AFF3: variants seen among roughly 807,000 people sequenced by gnomAD.
AFF3 encodes the protein ALF transcription elongation factor 3.
AFF3 carries 32 observed loss-of-function variants against 129.7 expected under a neutral mutation model. The observed-to-expected ratio is 0.25, with a 90% CI of 0.19 to 0.33. The LOEUF is 0.33. Among genes scored for constraint, AFF3 ranks in the 10% least tolerant of loss-of-function variants. The pLI is 1.00. For synonymous variants in AFF3, 644 were observed against 635.4 expected, an observed-to-expected ratio of 1.01 and a Z score of -0.20; for missense variants, 1,373 against 1,592.0, an observed-to-expected ratio of 0.86 and a Z score of 2.34.
chr2:99,925,171 C>G (rs557589927), intron 7 of AFF3, among the ~76,000 whole-genome samples: 6 of 152,140 alleles, frequency 3.9e-5, no homozygotes, highest in Non-Finnish European at 7.4e-5. Context: ...AGCTACCACA[C>G]CAGCCCCAAA....
At chr2:100,039,494 C>T (rs925560614) in intron 4 of AFF3, among the ~76,000 whole-genome samples, 1 of 152,054 alleles carries the variant, frequency 6.6e-6, no homozygotes, top group Non-Finnish European at 1.5e-5. Flanking sequence ...GGAGTCAAGG[C>T]TGCAATGAGC....
At position 99,788,450 on chromosome 2, in the gene AFF3, C is replaced by G. The variant is rs145646438; in HGVS notation, c.922-36149G>C. The stretch of plus-strand genomic sequence containing the variant: ...TAATGTGCTGTGCCTTTGATTTTAG[C>G]CCAAAAAAATTAAAAAGAAAAGCAT... On this transcript the variant is annotated intron_variant, in intron 8 of 24. Coordinates refer to ENST00000672756, the MANE Select transcript of AFF3 (RefSeq NM_001386135.1). Among the ~76,000 whole-genome samples the G allele has an allele frequency of 7.2e-5, 11 of 151,832 alleles. 1 individual carries two copies. In the East Asian group the frequency reaches 2.1e-3, roughly 29 times the overall value.
chr2:99,577,304 C>T (rs955752574), intron 18 of AFF3, among the ~76,000 whole-genome samples: 4 of 152,090 alleles, frequency 2.6e-5, no homozygotes, highest in African/African-American at 7.2e-5. Flanking sequence ...GCGGGGCGGA[C>T]GATGAGGCTG....
chr2:99,573,489 C>G (rs901950248), intron 18 of AFF3, among the ~76,000 whole-genome samples: 3 of 152,198 alleles, frequency 2.0e-5, no homozygotes, highest in African/African-American at 7.2e-5. Context: ...GGTGGGGGAG[C>G]GCCTTCCCAG....
At chr2:100,120,022 C>T (rs898720053) in intron 2 of AFF3, among the ~76,000 whole-genome samples, 1 of 152,192 alleles carries the variant, frequency 6.6e-6, no homozygotes, top group Non-Finnish European at 1.5e-5. Context: ...AAAACCAACT[C>T]ATCACAATAG....
chr2:99,703,788 T>C (rs1326465118), intron 11 of AFF3, among the ~76,000 whole-genome samples: 2 of 152,192 alleles, frequency 1.3e-5, no homozygotes, highest in East Asian at 1.9e-4. Context: ...CTCACACATC[T>C]GGCCTCAAGC....
chr2:99,859,123 TA>T (rs898204692), intron 7 of AFF3, among the ~76,000 whole-genome samples: 1 of 152,246 alleles, frequency 6.6e-6, no homozygotes, highest in African/African-American at 2.4e-5. Flanking sequence ...GGCTTTCCTC[TA>T]ATAGAATTAT....
At chr2:99,774,508 A>G (rs145762309) in intron 8 of AFF3, among the ~76,000 whole-genome samples, 1 of 152,226 alleles carries the variant, frequency 6.6e-6, no homozygotes, top group Non-Finnish European at 1.5e-5. Flanking sequence ...TCCCTATTTA[A>G]TAAATTGTGC....
At chr2:99,999,343 C>A (rs1043619149) in intron 7 of AFF3, among the ~76,000 whole-genome samples, 1 of 152,192 alleles carries the variant, frequency 6.6e-6, no homozygotes, top group Non-Finnish European at 1.5e-5. Context: ...GGCCCCAACA[C>A]GGGAAGGCCC....
chr2:99,954,323 G>A (rs1676431466), intron 7 of AFF3, among the ~76,000 whole-genome samples: 1 of 152,050 alleles, frequency 6.6e-6, no homozygotes, highest in Admixed American at 6.6e-5. Flanking sequence ...GGGCTATTCT[G>A]ATTTAAAAGT....
At position 99,550,605 on chromosome 2, in the gene AFF3, G is replaced by T. The variant is rs191384985; in HGVS notation, c.*869C>A. The T allele has an allele frequency of 2.5e-3, 574 of 232,852 alleles. 1 individual carries two copies. Among genetic ancestry groups the T allele is most frequent in the African/African-American group, 0.012 (524 of 45,442 alleles). The allele number at this position is 232,852 out of a possible 1,614,324, so 14.4% of individuals were successfully genotyped here. Reference sequence around the variant, plus strand: ...AGTCACAGTGGCAGGAAGAAGAAATGCATGTGGCTGGTGGGCTTGTTATCA... The same window carrying T: ...AGTCACAGTGGCAGGAAGAAGAAATTCATGTGGCTGGTGGGCTTGTTATCA... On this transcript the variant is annotated 3_prime_UTR_variant, in exon 25 of 25. Transcript: ENST00000672756.
chr2:99,923,424 A>C (rs547872603), intron 7 of AFF3, among the ~76,000 whole-genome samples: 1 of 152,358 alleles, frequency 6.6e-6, no homozygotes, highest in Admixed American at 6.5e-5. Flanking sequence ...AAGGCTCTGG[A>C]CTAAAGAATC....
chr2:99,668,333 A>C (rs1036664340), intron 12 of AFF3, among the ~76,000 whole-genome samples: 26 of 151,792 alleles, frequency 1.7e-4, no homozygotes, highest in African/African-American at 6.3e-4. Context: ...CACTATGCCC[A>C]ACTAATTTTT....
At chr2:99,574,796 G>A (rs986142466) in intron 18 of AFF3, among the ~76,000 whole-genome samples, 1 of 152,184 alleles carries the variant, frequency 6.6e-6, no homozygotes, top group Non-Finnish European at 1.5e-5. Flanking sequence ...CCATCAACTC[G>A]AAATCACTCC....
At chr2:99,686,794 G>A (rs1370534287) in intron 11 of AFF3, among the ~76,000 whole-genome samples, 2 of 152,180 alleles carry the variant, frequency 1.3e-5, no homozygotes, top group Non-Finnish European at 2.9e-5. Flanking sequence ...GTGATGGCCT[G>A]ATGGAAGCAG....
intron 1 of AFF3, among the ~76,000 whole-genome samples, chr2:100,135,600 C>T (rs1380262251): frequency 6.6e-6 from 1 of 152,168 alleles, no homozygotes; most frequent in Non-Finnish European, 1.5e-5. Context: ...TCAGCCAGCC[C>T]AGACAACCAA....
intron 7 of AFF3, among the ~76,000 whole-genome samples, chr2:99,846,709 T>A (rs1296966031): frequency 6.6e-6 from 1 of 152,254 alleles, no homozygotes; most frequent in Non-Finnish European, 1.5e-5. Flanking sequence ...AAATGACCAT[T>A]GTAAATGGCA....
chr2:99,909,769 T>A (rs185798324), intron 7 of AFF3, among the ~76,000 whole-genome samples: 1 of 152,226 alleles, frequency 6.6e-6, no homozygotes, highest in East Asian at 1.9e-4. Flanking sequence ...TTCTCAACTT[T>A]CACGTAAATT....
At chr2:100,018,597 T>C (rs1442450109) in intron 4 of AFF3, among the ~76,000 whole-genome samples, 2 of 152,126 alleles carry the variant, frequency 1.3e-5, no homozygotes, top group Admixed American at 6.5e-5. Flanking sequence ...TTCTATATAG[T>C]ATAAACAGCA....
Sources: gnomAD v4.1 joint callset for allele counts (sites outside exome capture counted in the v4.1 genomes callset) on GRCh38, gnomAD v4.1.1 for gene constraint, MANE v1.5 for transcripts, NCBI Gene and HGNC (gene_info 2026-07-23, HGNC 2026-07-21) for gene names.